Variants in RALYL observed in about 807,000 individuals in gnomAD.
RALYL encodes RNA-binding Raly-like protein.
In RALYL, 29 loss-of-function variants were observed where a neutral mutation model predicts 35.1. The observed-to-expected ratio is 0.83, with a 90% CI of 0.61 to 1.13. The LOEUF is 1.13. Among genes scored for constraint, RALYL ranks in the 50% most tolerant of loss-of-function variants. The pLI is 0.00. For synonymous variants in RALYL, 120 were observed against 127.6 expected (o/e 0.94, Z 0.40); for missense variants, 359 against 360.4 (o/e 1.00, Z 0.03).
chr8:84,730,331 A>G (rs1050104263), intron 2 of RALYL, among the ~76,000 whole-genome samples: 2 of 152,204 alleles, frequency 1.3e-5, no homozygotes, highest in South Asian at 4.1e-4. Flanking sequence ...ACAAAATTCA[A>G]CAACACTTCA....
intron 1 of RALYL, among the ~76,000 whole-genome samples, chr8:84,296,590 C>T (rs909810547): frequency 5.4e-5 from 8 of 148,442 alleles, no homozygotes; most frequent in Non-Finnish European, 1.0e-4. Context: ...TTTACCTATT[C>T]CCTAGAGCAG....
intron 2 of RALYL, among the ~76,000 whole-genome samples, chr8:84,603,624 T>A (rs188728827): frequency 1.3e-5 from 2 of 152,092 alleles, no homozygotes; most frequent in African/African-American, 4.8e-5. Context: ...CACATTCACA[T>A]TGGCACATGA....
intron 1 of RALYL, among the ~76,000 whole-genome samples, chr8:84,505,319 G>A (rs2057071483): frequency 6.6e-6 from 1 of 151,906 alleles, no homozygotes; most frequent in Non-Finnish European, 1.5e-5. Context: ...GCTCCTTTAT[G>A]TTTATATGTG....
chr8:84,851,173 C>A (rs1201456271), intron 5 of RALYL, among the ~76,000 whole-genome samples: 1 of 152,040 alleles, frequency 6.6e-6, no homozygotes, highest in Non-Finnish European at 1.5e-5. Context: ...GATAAGGAAG[C>A]ATTACAATTA....
At chr8:84,199,611 G>A (rs1222926179) in intron 1 of RALYL, among the ~76,000 whole-genome samples, 1 of 152,140 alleles carries the variant, frequency 6.6e-6, no homozygotes, top group African/African-American at 2.4e-5. Flanking sequence ...CTTTGTTGTA[G>A]TAGTTTCATA....
chr8:84,653,284 G>C (rs1430664831), intron 2 of RALYL, among the ~76,000 whole-genome samples: 1 of 151,978 alleles, frequency 6.6e-6, no homozygotes, highest in Non-Finnish European at 1.5e-5. Flanking sequence ...AGAGTTCTAA[G>C]AAAATATCAA....
chr8:84,883,977 C>T (rs1240106812), intron 7 of RALYL, among the ~76,000 whole-genome samples: 1 of 151,986 alleles, frequency 6.6e-6, no homozygotes, highest in Admixed American at 6.6e-5. Flanking sequence ...TTCATGCTTA[C>T]CTTTTAGAGA....
intron 2 of RALYL, among the ~76,000 whole-genome samples, chr8:84,572,902 G>T (rs1232684640): frequency 6.6e-6 from 1 of 150,972 alleles, no homozygotes; most frequent in Non-Finnish European, 1.5e-5. Context: ...TTATTTCCTA[G>T]AATATAATTT....
intron 1 of RALYL, among the ~76,000 whole-genome samples, chr8:84,192,668 C>G (rs1563507507): frequency 6.6e-6 from 1 of 152,066 alleles, no homozygotes; most frequent in Non-Finnish European, 1.5e-5. Flanking sequence ...AGCAATTCCC[C>G]TTCCTCAGCC....
At chr8:84,361,613 T>C (rs1330149555) in intron 1 of RALYL, among the ~76,000 whole-genome samples, 2 of 152,148 alleles carry the variant, frequency 1.3e-5, no homozygotes, top group Admixed American at 1.3e-4. Context: ...AGTGATGTAA[T>C]TCTTCGCCAG....
intron 1 of RALYL, among the ~76,000 whole-genome samples, chr8:84,322,491 C>T (rs1845053075): frequency 6.6e-6 from 1 of 152,094 alleles, no homozygotes; most frequent in Admixed American, 6.6e-5. Context: ...TCATCTTCCA[C>T]TTTCATCTGG....
intron 1 of RALYL, among the ~76,000 whole-genome samples, chr8:84,426,326 T>G (rs1442543896): frequency 6.6e-6 from 1 of 152,114 alleles, no homozygotes; most frequent in Non-Finnish European, 1.5e-5. Context: ...ACATTAGATC[T>G]CTACACTCTT....
intron 1 of RALYL, among the ~76,000 whole-genome samples, chr8:84,380,681 C>A (rs1002618944): frequency 3.9e-5 from 6 of 151,912 alleles, no homozygotes; most frequent in Admixed American, 3.9e-4. Context: ...GCTTGTGTCT[C>A]TTCTTATTGA....
intron 1 of RALYL, among the ~76,000 whole-genome samples, chr8:84,189,225 G>A (rs62528126): frequency 0.083 from 12,581 of 152,174 alleles, 604 homozygotes; most frequent in East Asian, 0.24. Context: ...ATCACTAAGT[G>A]CTCTTATATT....
intron 1 of RALYL, among the ~76,000 whole-genome samples, chr8:84,235,054 C>T (rs1319353561): frequency 2.0e-5 from 3 of 152,046 alleles, no homozygotes; most frequent in Non-Finnish European, 2.9e-5. Context: ...TGAGCCACCG[C>T]GCCGGGCCTA....
chr8:84,471,277 A>G lies in RALYL; in HGVS notation c.-23-58022A>G, dbSNP rs547341252. ...CTCTTTGTTTAGGCTTTTTCAAAAAAGATAGAAAACAACAACAACAACCAG... is the reference window on the plus strand; with the variant it reads ...CTCTTTGTTTAGGCTTTTTCAAAAAGGATAGAAAACAACAACAACAACCAG... On this transcript the variant is annotated intron_variant, in intron 1 of 8. Transcript: ENST00000521268. Among the ~76,000 whole-genome samples, 4 of 152,168 alleles carry G rather than the reference A, an allele frequency of 2.6e-5. No homozygotes were observed. The South Asian group carries it at 8.3e-4, about 31-fold the overall frequency.
intron 1 of RALYL, among the ~76,000 whole-genome samples, chr8:84,433,007 T>C (rs751716952): frequency 6.6e-6 from 1 of 152,144 alleles, no homozygotes; most frequent in Non-Finnish European, 1.5e-5. Context: ...ATTTAATAGA[T>C]ATTTTAAGAA....
chr8:84,919,127 C>CA (rs1322710301), intron 8 of RALYL, among the ~76,000 whole-genome samples: 1 of 151,940 alleles, frequency 6.6e-6, no homozygotes, highest in Non-Finnish European at 1.5e-5. Context: ...GGAGAAACAC[C>CA]ATGACTAGTA....
intron 1 of RALYL, among the ~76,000 whole-genome samples, chr8:84,438,637 C>A (rs2047997916): frequency 6.6e-6 from 1 of 152,008 alleles, no homozygotes; most frequent in African/African-American, 2.4e-5. Context: ...AGTGATTCGC[C>A]CACCTTGACC....
Sources: allele counts gnomAD v4.1 joint callset (sites outside exome capture counted in the v4.1 genomes callset), GRCh38; gene constraint gnomAD v4.1.1; transcripts MANE v1.5; gene names NCBI Gene and HGNC (gene_info 2026-07-23, HGNC 2026-07-21).